FH: variants seen among roughly 807,000 people sequenced by gnomAD.
The protein encoded by FH is fumarate hydratase, mitochondrial.
Under a neutral mutation model 49.4 loss-of-function variants are expected in FH, and 22 were observed. The observed-to-expected ratio is 0.45, with a 90% CI of 0.32 to 0.64. The LOEUF is 0.64. Ranked by LOEUF, FH falls within the 30% of genes least tolerant of loss-of-function variation. The probability of loss-of-function intolerance (pLI) is 0.05; values close to 1 mark genes in which losing one functional copy is unlikely to be tolerated. For synonymous variants in FH, 208 were observed against 223.0 expected (o/e 0.93, Z 0.60); for missense variants, 526 against 641.5 (o/e 0.82, Z 1.95).
intron 2 of FH, among the ~76,000 whole-genome samples, chr1:241,514,356 C>T (rs959110294): frequency 1.3e-5 from 2 of 152,106 alleles, no homozygotes; most frequent in African/African-American, 4.8e-5. Flanking sequence ...TTCTCCAGAC[C>T]TAAAGGTGAC....
intron 3 of FH, among the ~76,000 whole-genome samples, 170 bp from the exon 4 acceptor site, chr1:241,512,313 T>G (rs1660108644): frequency 6.6e-6 from 1 of 152,198 alleles, no homozygotes; most frequent in Admixed American, 6.5e-5. Flanking sequence ...GGTATGACAA[T>G]TCACTGGTTT....
intron 5 of FH, among the ~76,000 whole-genome samples, chr1:241,506,923 T>C (rs951249153): frequency 3.3e-5 from 5 of 152,230 alleles, no homozygotes; most frequent in African/African-American, 9.6e-5. Flanking sequence ...CAAACCAAGA[T>C]ACATGGTTAC....
chr1:241,511,242 G>T (rs1428824052), intron 4 of FH, among the ~76,000 whole-genome samples: 1 of 152,154 alleles, frequency 6.6e-6, no homozygotes, highest in African/African-American at 2.4e-5. Context: ...TACCATGTGA[G>T]GACACAGAAA....
At position 241,511,996 on chromosome 1, in the gene FH, G is replaced by A. The variant is rs2147921804; in HGVS notation, c.526C>T (p.His176Tyr). 1 of 1,613,924 alleles carries A rather than the reference G, an allele frequency of 6.2e-7. No homozygotes were observed. The highest frequency in any genetic ancestry group is 8.5e-7 in the Non-Finnish European group (1 of 1,179,910). The change falls in exon 4 of 10, where the codon CAT (histidine) becomes TAT (tyrosine). Residue 176 changes from histidine to tyrosine, a missense_variant. Transcript: ENST00000366560. ...CTTTTATTAACATGATCGTTGGGAT[G>A]CACAGGTATCTTGCTGCCAAGTTCA... ...GGELGSKIPV[H>Y]PNDHVNKSQS...
intron 1 of FH, 114 bp from the exon 2 acceptor site, chr1:241,517,430 A>C: frequency 9.0e-7 from 1 of 1,111,828 alleles, no homozygotes; most frequent in Non-Finnish European, 1.3e-6. Context: ...CACAAAGACA[A>C]AAAAATACTA....
intron 8 of FH, among the ~76,000 whole-genome samples, chr1:241,501,319 T>C (rs186921928): frequency 5.9e-5 from 9 of 152,334 alleles, no homozygotes; most frequent in Non-Finnish European, 5.9e-5. Flanking sequence ...TTGCTACTAA[T>C]GACCTTGTAA....
chr1:241,498,864 T>C (rs1659696519), intron 9 of FH, among the ~76,000 whole-genome samples: 1 of 150,468 alleles, frequency 6.6e-6, no homozygotes, highest in Non-Finnish European at 1.5e-5. Context: ...TAAGATGGCA[T>C]GTGTCAATAT....
intron 2 of FH, among the ~76,000 whole-genome samples, chr1:241,513,982 CATAT>C (rs973505062): frequency 9.2e-5 from 14 of 152,240 alleles, no homozygotes; most frequent in African/African-American, 2.6e-4. Flanking sequence ...CTCCCACATA[CATAT>C]ACACACATAT....
chr1:241,506,793 C>A (rs545377117), intron 5 of FH, among the ~76,000 whole-genome samples: 36 of 152,292 alleles, frequency 2.4e-4, no homozygotes, highest in African/African-American at 8.7e-4. Flanking sequence ...AATGTCAACA[C>A]TGGTTCCAAA....
chr1:241,515,312 A>G (rs1558401639), intron 2 of FH, among the ~76,000 whole-genome samples: 1 of 152,186 alleles, frequency 6.6e-6, no homozygotes, highest in Non-Finnish European at 1.5e-5. Context: ...AGCAGGAACC[A>G]TGCCCCACCA....
chr1:241,500,821 A>T (rs1287269929), intron 8 of FH, among the ~76,000 whole-genome samples: 1 of 152,234 alleles, frequency 6.6e-6, no homozygotes, highest in East Asian at 1.9e-4. Flanking sequence ...TGAAAAAGAC[A>T]TAAATACAAA....
Position 241,513,632 on chromosome 1 carries a change from C to G in FH, c.349G>C (p.Ala117Pro), listed in dbSNP as rs886039363. The G allele has an allele frequency of 3.1e-6, 5 of 1,614,052 alleles. No homozygotes were observed. The highest frequency in any genetic ancestry group is 4.2e-6 in the Non-Finnish European group (5 of 1,179,946). ...NQDYGLDPKIANAIMKAADEV... is the reference protein window; with the variant it reads ...NQDYGLDPKIPNAIMKAADEV... ...TCTGCTGCCTTCATTATTGCATTAG[C>G]AATCTTTGGATCAAGACCATAATCC... is the stretch of plus-strand genomic sequence containing the variant. The change falls in exon 3 of 10, where the codon GCT becomes CCT. Residue 117 changes from alanine (A) to proline (P), a missense_variant. Coordinates refer to ENST00000366560, the MANE Select transcript of FH (RefSeq NM_000143.4).
intron 7 of FH, 137 bp from the exon 8 acceptor site, chr1:241,502,707 C>A: frequency 9.5e-7 from 1 of 1,053,048 alleles, no homozygotes; most frequent in Non-Finnish European, 1.4e-6. Context: ...TTTAATGAAA[C>A]AAACCAACCA....
At chr1:241,513,888 A>G (rs1660153060) in intron 2 of FH, among the ~76,000 whole-genome samples, 175 bp from the exon 3 acceptor site, 1 of 152,222 alleles carries the variant, frequency 6.6e-6, no homozygotes. Context: ...ATGAACCAAG[A>G]ATCAACATTA....
At chr1:241,509,777 AAACAC>A (rs1216328785) in intron 4 of FH, among the ~76,000 whole-genome samples, 1 of 87,206 alleles carries the variant, frequency 1.1e-5, no homozygotes, top group Non-Finnish European at 2.4e-5. Flanking sequence ...CACAATCTCT[AAACAC>A]ACACACACAC....
intron 2 of FH, among the ~76,000 whole-genome samples, chr1:241,514,683 C>T (rs1462516848): frequency 6.6e-6 from 1 of 152,012 alleles, no homozygotes; most frequent in Non-Finnish European, 1.5e-5. Context: ...AAAACATAAA[C>T]CTGGACCAGA....
rs2147916259 is a variant in FH, at chr1:241,504,186, C to T, written c.964G>A (p.Val322Ile). The change falls in exon 7 of 10, where the codon GTT becomes ATT. Residue 322 changes from valine to isoleucine, a missense_variant. Around this residue, in one of 2 missense-constraint regions of FH, gnomAD observed 383 missense variants for 514.0 expected, o/e 0.75. Transcript: ENST00000366560. ...GTGTTCATGGCTCCACTGAGCTCAA[C>T]CAGAGCGTCATGAGCAGCCAGAGCT... ...FEALAAHDAL[V>I]ELSGAMNTTA... 6.2e-7 allele frequency: 1 copy of T among 1,614,164 alleles called. No homozygotes were observed. Among genetic ancestry groups the T allele is most frequent in the Non-Finnish European group, 8.5e-7 (1 of 1,180,014 alleles).
intron 9 of FH, 109 bp downstream of exon 9, chr1:241,500,328 A>C: frequency 2.8e-6 from 3 of 1,069,094 alleles, no homozygotes; most frequent in Non-Finnish European, 4.3e-6. Flanking sequence ...CTAAAACCAT[A>C]TTCAAAAGAA....
chr1:241,510,820 G>A (rs1660063410), intron 4 of FH, among the ~76,000 whole-genome samples: 2 of 152,244 alleles, frequency 1.3e-5, no homozygotes, highest in Middle Eastern at 3.4e-3. Flanking sequence ...TATTTCTAAT[G>A]AACAGGGTAT....
Sources: allele counts gnomAD v4.1 joint callset (sites outside exome capture counted in the v4.1 genomes callset), GRCh38; gene constraint gnomAD v4.1.1; regional missense constraint gnomAD v4.1.1; transcripts MANE v1.5; gene names NCBI Gene and HGNC (gene_info 2026-07-23, HGNC 2026-07-21).